Variants in P3H1 observed in about 807,000 individuals in gnomAD.
The protein encoded by P3H1 is prolyl 3-hydroxylase 1.
In P3H1, 69 loss-of-function variants were observed where a neutral mutation model predicts 84.0. The observed-to-expected ratio is 0.82, with a 90% CI of 0.68 to 1.00. The LOEUF is 1.00. P3H1 is among the 50% of genes least tolerant of loss of function. The probability of loss-of-function intolerance (pLI) is 0.00; values close to 1 mark genes in which losing one functional copy is unlikely to be tolerated. For synonymous variants in P3H1, 366 were observed against 388.8 expected, an observed-to-expected ratio of 0.94 and a Z score of 0.69; for missense variants, 878 against 962.8, an observed-to-expected ratio of 0.91 and a Z score of 1.17.
Position 42,754,925 on chromosome 1 carries a change from G to GTC in P3H1, c.1287_1288dup (p.Thr430ArgfsTer14). On this transcript the variant is annotated frameshift_variant, in exon 8 of 15. Coordinates refer to ENST00000296388, the MANE Select transcript of P3H1 (RefSeq NM_022356.4). LOFTEE classifies it high-confidence loss of function. The surrounding 1 kb of genome is among the most constrained non-coding windows in gnomAD (Gnocchi z 4.0). ...CTCCTTGGTCTTCTCTTCCACAAGG[G>GTC]TCTCGATTTCCTTCATAAGGTTCCC... is the stretch of plus-strand genomic sequence containing the variant. The GTC allele has an allele frequency of 6.2e-7, 1 of 1,614,152 alleles. No homozygotes were observed. Among genetic ancestry groups the GTC allele is most frequent in the Non-Finnish European group, 8.5e-7 (1 of 1,180,030 alleles).
chr1:42,747,876 A>C, intron 12 of P3H1, 78 bp from the exon 13 acceptor site: 19 of 1,366,730 alleles, frequency 1.4e-5, no homozygotes, highest in Non-Finnish European at 1.9e-5. Context: ...AGGTGCTCTC[A>C]ACCAGCAGCA....
chr1:42,761,394 A>C (rs1350241786), intron 2 of P3H1: 1 of 152,224 alleles, frequency 6.6e-6, no homozygotes, highest in African/African-American at 2.4e-5. Flanking sequence ...TTCCTGCTAA[A>C]CAAATAGAAT....
chr1:42,747,911 A>G, intron 12 of P3H1, 113 bp from the exon 13 acceptor site: 1 of 1,029,582 alleles, frequency 9.7e-7, no homozygotes, highest in Admixed American at 1.7e-5. Flanking sequence ...TGTGGGAGGG[A>G]AACCTTTAAG....
intron 13 of P3H1, 86 bp downstream of exon 13, chr1:42,747,637 T>C: frequency 6.8e-7 from 1 of 1,475,972 alleles, no homozygotes. Context: ...GCCCAGTTGG[T>C]TATTTTTGTC....
At position 42,748,126 on chromosome 1, in the gene P3H1, A is replaced by G. The variant is rs3738500; in HGVS notation, c.1838+74T>C. The G allele has an allele frequency of 0.12, 124,714 of 1,057,206 alleles. 8,264 individuals carry two copies. Among genetic ancestry groups the G allele is most frequent in the East Asian group, 0.25 (10,447 of 41,728 alleles). 65.5% of individuals were successfully genotyped at this position (1,057,206 alleles called of 1,614,324 possible). On this transcript the variant is annotated intron_variant, in intron 12 of 14. Coordinates refer to ENST00000296388, the MANE Select transcript of P3H1 (RefSeq NM_022356.4). ...CAGTGTGTGTGTGCTAGGGTGGGGT[A>G]GTAGAGTGCAGGGCACTGTGGGGCC...
chr1:42,764,880 G>A (rs1652910981), intron 1 of P3H1, among the ~76,000 whole-genome samples: 1 of 152,082 alleles, frequency 6.6e-6, no homozygotes. Context: ...TTTCAGCGCT[G>A]CTCCTGCCTT....
At chr1:42,753,407 C>G (rs929098766) in intron 8 of P3H1, among the ~76,000 whole-genome samples, 2 of 152,128 alleles carry the variant, frequency 1.3e-5, no homozygotes, top group African/African-American at 4.8e-5. Flanking sequence ...CATGGTGTTT[C>G]TCTGTGCTAG....
At chr1:42,762,697 C>A (rs551500868) in intron 1 of P3H1, among the ~76,000 whole-genome samples, 1 of 152,314 alleles carries the variant, frequency 6.6e-6, no homozygotes, top group South Asian at 2.1e-4. Flanking sequence ...TTTCCCAAGT[C>A]AGATTTAGGG....
intron 10 of P3H1, chr1:42,751,596 TAAATA>T (rs1009993819): frequency 2.0e-5 from 3 of 151,210 alleles, no homozygotes; most frequent in African/African-American, 7.4e-5. Context: ...AATAAATAAA[TAAATA>T]AAATAATAAA....
chr1:42,752,361 T>C lies in P3H1; in HGVS notation c.1482A>G (p.Ala494=), dbSNP rs749992555. The change falls in exon 10 of 15, where the codon GCA becomes GCG. Residue 494 remains alanine (A), a synonymous_variant. Coordinates refer to ENST00000296388, the MANE Select transcript of P3H1 (RefSeq NM_022356.4). ...GACCCCGGTAGCCATCTCCTGAGGT[T>C]GCTGCCACCTACAAGGCCCAAAACA... ...QELQRLTNVA[A]TSGDGYRGQT... is the part of the protein sequence containing the mutation. 1.1e-5 allele frequency: 18 copies of C among 1,613,992 alleles called. No individual in the cohort carries two copies. The highest frequency in any genetic ancestry group is 1.4e-5 in the Non-Finnish European group (17 of 1,180,008).
At chr1:42,752,510 A>T in intron 9 of P3H1, 27 bp downstream of exon 9, 1 of 1,613,804 alleles carries the variant, frequency 6.2e-7, no homozygotes, top group Non-Finnish European at 8.5e-7. Context: ...CCCTTGGGGG[A>T]AGGTGCAGTC....
rs911166760 is a variant in P3H1, at chr1:42,750,421, C to G, written c.1570-85G>C. 3.4e-6 allele frequency: 5 copies of G among 1,460,840 alleles called. No individual in the cohort carries two copies. In the Admixed American group the frequency reaches 5.5e-5, roughly 16 times the overall value. 90.5% of individuals were successfully genotyped at this position (1,460,840 alleles called of 1,614,324 possible). ...CCTACCCAAATCTTATCTTGTAGTTCCCATAATTCCCATGTGTTGTGGAAG... is the reference window on the plus strand; with the variant it reads ...CCTACCCAAATCTTATCTTGTAGTTGCCATAATTCCCATGTGTTGTGGAAG... On this transcript the variant is annotated intron_variant, in intron 10 of 14. Coordinates refer to ENST00000296388, the MANE Select transcript of P3H1 (RefSeq NM_022356.4).
At position 42,759,380 on chromosome 1, in the gene P3H1, C is replaced by T. The variant is rs373561725; in HGVS notation, c.629G>A (p.Arg210Gln). 5.0e-5 allele frequency: 80 copies of T among 1,613,896 alleles called. No homozygotes were observed. Among genetic ancestry groups the T allele is most frequent in the Non-Finnish European group, 6.0e-5 (71 of 1,180,008 alleles). Residue 210 changes from arginine to glutamine, a missense_variant, in exon 3 of 15, where the codon CGA (arginine) becomes CAA (glutamine). By Grantham distance (43) the Arg-to-Gln change is conservative. Transcript: ENST00000296388. ...CTCTGAGTAGAGTCGCACTCCCAGT[C>T]GAAATTCTTGCTACTGGGAAGAAGG... ...LETQPHMQEF[R>Q]LGVRLYSEEQ... is the part of the protein sequence containing the mutation.
At position 42,746,731 on chromosome 1, in the gene P3H1, G is replaced by C; in HGVS notation, c.2177C>G (p.Ser726Ter). The change falls in exon 15 of 15, where the codon TCA (serine) becomes TGA (stop). Residue 726 changes from serine to a stop codon, truncating the protein, a stop_gained. Coordinates refer to ENST00000296388, the MANE Select transcript of P3H1 (RefSeq NM_022356.4). LOFTEE classifies it high-confidence loss of function. ...GPPEPAQESLSGSESKPKDEL is the reference protein window; with the variant it reads ...GPPEPAQESL ...ATCCTTGGGCTTCGATTCACTGCCT[G>C]AGAGAGACTCTTGTGCAGGTTCGGG... 1.3e-6 allele frequency: 2 copies of C among 1,552,196 alleles called. No homozygotes were observed. The highest frequency in any genetic ancestry group is 1.7e-6 in the Non-Finnish European group (2 of 1,147,232).
At position 42,746,615 on chromosome 1, in the gene P3H1, G is replaced by A; in HGVS notation, c.*82C>T. The A allele has an allele frequency of 1.7e-6, 2 of 1,185,610 alleles. No individual in the cohort carries two copies. Among genetic ancestry groups the A allele is most frequent in the Non-Finnish European group, 2.5e-6 (2 of 816,112 alleles). 73.4% of individuals were successfully genotyped at this position (1,185,610 alleles called of 1,614,324 possible). ...GCAGATGTAGGCTCACTGCTCTGCA[G>A]CCCCGAGGGGCTGGCCAGCTCAGAG... On this transcript the variant is annotated 3_prime_UTR_variant, in exon 15 of 15. Coordinates refer to ENST00000296388, the MANE Select transcript of P3H1 (RefSeq NM_022356.4).
In P3H1 at chr1:42,766,997, C is replaced by T; in HGVS notation, c.-26G>A. 1.2e-6 allele frequency: 2 copies of T among 1,601,074 alleles called. No individual in the cohort carries two copies. Among genetic ancestry groups the T allele is most frequent in the South Asian group, 1.1e-5 (1 of 90,542 alleles). ...CGCTCCCTCAGACCTAACGGAACCG[C>T]CAGCCACCCGCCACCAAGGCCGGAG... On this transcript the variant is annotated 5_prime_UTR_variant, in exon 1 of 15. Transcript: ENST00000296388.
At chr1:42,765,614 G>T (rs144264267) in intron 1 of P3H1, among the ~76,000 whole-genome samples, 1 of 152,312 alleles carries the variant, frequency 6.6e-6, no homozygotes, top group East Asian at 1.9e-4. Context: ...GAGGGGAACT[G>T]TGTAGGCAGA....
intron 1 of P3H1, among the ~76,000 whole-genome samples, chr1:42,763,217 G>GA (rs1165892423): frequency 1.3e-5 from 2 of 151,994 alleles, no homozygotes; most frequent in Non-Finnish European, 2.9e-5. Context: ...AATTTTCCTA[G>GA]AAAAAAATTT....
chr1:42,755,754 C>A, intron 5 of P3H1, 117 bp from the exon 6 acceptor site: 1 of 741,872 alleles, frequency 1.3e-6, no homozygotes, highest in East Asian at 2.6e-5. Context: ...GCCTCCTCTC[C>A]CTACCAATGC....
Sources: gnomAD v4.1 joint callset for allele counts (sites outside exome capture counted in the v4.1 genomes callset) on GRCh38, gnomAD v4.1.1 for gene constraint, Gnocchi (gnomAD v3.1) non-coding constraint, MANE v1.5 for transcripts, NCBI Gene and HGNC (gene_info 2026-07-23, HGNC 2026-07-21) for gene names.